XPO6: variants seen among roughly 807,000 people sequenced by gnomAD.
The protein encoded by XPO6 is exportin 6, also known as exportin-6.
XPO6 carries 3 observed loss-of-function variants against 130.0 expected under a neutral mutation model. The observed-to-expected ratio is 0.02, with a 90% CI of 0.01 to 0.06. The LOEUF is 0.06. Ranked by LOEUF, XPO6 falls within the 10% of genes least tolerant of loss-of-function variation. The probability of loss-of-function intolerance (pLI) is 1.00; values close to 1 mark genes in which losing one functional copy is unlikely to be tolerated. For synonymous variants in XPO6, 524 were observed against 548.9 expected (o/e 0.95, Z 0.63); for missense variants, 970 against 1,393.0 (o/e 0.70, Z 4.83).
At chr16:28,159,646 G>A (rs1266507669) in intron 6 of XPO6, among the ~76,000 whole-genome samples, 1 of 152,202 alleles carries the variant, frequency 6.6e-6, no homozygotes, top group Non-Finnish European at 1.5e-5. Flanking sequence ...CTAAACAGAC[G>A]TAGGAATTAA....
intron 9 of XPO6, among the ~76,000 whole-genome samples, chr16:28,136,243 C>CAA (rs1257702020): frequency 1.3e-5 from 2 of 151,824 alleles, no homozygotes; most frequent in African/African-American, 4.9e-5. Context: ...TTTTTGGAGA[C>CAA]AGAGTCTCCT....
chr16:28,110,771 G>C (rs759582481), intron 17 of XPO6, among the ~76,000 whole-genome samples: 4 of 152,208 alleles, frequency 2.6e-5, no homozygotes, highest in Non-Finnish European at 4.4e-5. Flanking sequence ...AGAACTGAAT[G>C]AATTACTGAT....
intron 1 of XPO6, among the ~76,000 whole-genome samples, chr16:28,182,826 T>C (rs1046033049): frequency 2.6e-5 from 4 of 151,972 alleles, no homozygotes; most frequent in African/African-American, 4.8e-5. Flanking sequence ...CTAAAATGAG[T>C]GTACATAATA....
intron 5 of XPO6, among the ~76,000 whole-genome samples, chr16:28,168,897 G>C (rs2043404838): frequency 6.6e-6 from 1 of 151,906 alleles, no homozygotes; most frequent in African/African-American, 2.4e-5. Context: ...TTACAGGTGT[G>C]AGCCATTGCA....
intron 15 of XPO6, among the ~76,000 whole-genome samples, chr16:28,116,292 T>A (rs2141255737): frequency 6.6e-6 from 1 of 152,148 alleles, no homozygotes; most frequent in South Asian, 2.1e-4. Flanking sequence ...AAACCCCGTC[T>A]CTACAAAAAA....
chr16:28,130,131 C>T lies in XPO6; in HGVS notation c.1606+2203G>A, dbSNP rs1013510503. On this transcript the variant is annotated intron_variant, in intron 12 of 23. Transcript: ENST00000304658. ...GCAGGAAGGGAAACAGTGAGAAGCA[C>T]GAGATCTTCTGAATCCAACTGCTCT... Among the ~76,000 whole-genome samples the T allele has an allele frequency of 5.9e-5, 9 of 152,216 alleles. 1 individual carries two copies. The highest frequency in any genetic ancestry group is 2.2e-4 in the African/African-American group (9 of 41,466).
intron 8 of XPO6, 67 bp downstream of exon 8, chr16:28,152,591 CT>C: frequency 6.5e-7 from 1 of 1,541,100 alleles, no homozygotes; most frequent in Admixed American, 2.2e-5. Context: ...AGAAAAAGTT[CT>C]TTCTTCTCAA....
At chr16:28,162,467 C>G (rs990251927) in intron 6 of XPO6, among the ~76,000 whole-genome samples, 9 of 152,012 alleles carry the variant, frequency 5.9e-5, no homozygotes, top group Non-Finnish European at 1.3e-4. Context: ...GTGACCCTGG[C>G]AGCGATACGC....
At chr16:28,181,745 G>A (rs2043620529) in intron 1 of XPO6, among the ~76,000 whole-genome samples, 1 of 152,094 alleles carries the variant, frequency 6.6e-6, no homozygotes, top group African/African-American at 2.4e-5. Flanking sequence ...AATCTCACGT[G>A]AGCAGCCAAC....
rs561688834 is a variant in XPO6 at position 28,207,505 on chromosome 16, G to A, written c.3+3861C>T. ...AATCAAATACAGTTATAGTATGCTA[G>A]CTCTTCCTGTAATTCTATACTGCAA... is the stretch of plus-strand genomic sequence containing the variant. On this transcript the variant is annotated intron_variant, in intron 1 of 23. Coordinates refer to ENST00000304658, the MANE Select transcript of XPO6 (RefSeq NM_015171.4). Among the ~76,000 whole-genome samples, 51 of 152,318 alleles carry A rather than the reference G, an allele frequency of 3.3e-4. 2 individuals are homozygous for A. In the South Asian group the frequency reaches 0.011, roughly 32 times the overall value.
chr16:28,103,971 G>A (rs564334174), intron 21 of XPO6, among the ~76,000 whole-genome samples: 54 of 152,314 alleles, frequency 3.5e-4, no homozygotes, highest in African/African-American at 1.0e-3. Context: ...CCCTGGGAGC[G>A]TGCCTGACAC....
intron 18 of XPO6, among the ~76,000 whole-genome samples, chr16:28,107,027 T>C (rs2086799364): frequency 6.6e-6 from 1 of 152,242 alleles, no homozygotes; most frequent in South Asian, 2.1e-4. Flanking sequence ...AACAATCATC[T>C]TGTGTAGTGT....
At chr16:28,182,957 CAT>C (rs1250142847) in intron 1 of XPO6, among the ~76,000 whole-genome samples, 8 of 152,140 alleles carry the variant, frequency 5.3e-5, no homozygotes, top group African/African-American at 1.4e-4. Context: ...AAAAATAGCA[CAT>C]GTTAAAATAA....
chr16:28,121,247 C>T (rs1291717524), intron 14 of XPO6, among the ~76,000 whole-genome samples: 1 of 152,206 alleles, frequency 6.6e-6, no homozygotes, highest in Non-Finnish European at 1.5e-5. Context: ...AAATGTGTTC[C>T]CCAAGCATTC....
rs375825362 is a variant in XPO6 at position 28,173,261 on chromosome 16, T to G, written c.405+2637A>C. The G allele has an allele frequency of 2.6e-5, 4 of 152,212 alleles. No individual in the cohort carries two copies. The East Asian group carries it at 5.8e-4, about 22-fold the overall frequency. The allele number at this position is 152,212 out of a possible 1,614,324, so 9.4% of individuals were successfully genotyped here. A position where few individuals can be genotyped will look rare whatever the true frequency, so the allele number is the denominator to read the frequency against. On this transcript the variant is annotated intron_variant, in intron 4 of 23. Transcript: ENST00000304658. Reference sequence around the variant, plus strand: ...CTATATTATCAGAAATGTCAGCAATTGGGCACTGATCATTGAGTACTGATC... The same window carrying G: ...CTATATTATCAGAAATGTCAGCAATGGGGCACTGATCATTGAGTACTGATC...
At chr16:28,138,182 G>A (rs930696890) in intron 9 of XPO6, among the ~76,000 whole-genome samples, 1 of 152,060 alleles carries the variant, frequency 6.6e-6, no homozygotes. Context: ...TCCATAGAAA[G>A]GTAAGATCAA....
chr16:28,181,492 G>C (rs906315560), intron 1 of XPO6, among the ~76,000 whole-genome samples: 1 of 148,278 alleles, frequency 6.7e-6, no homozygotes, highest in Admixed American at 6.9e-5. Context: ...GATTCTCAGG[G>C]GTTTGGGGGG....
intron 1 of XPO6, among the ~76,000 whole-genome samples, chr16:28,189,745 A>G (rs79541662): frequency 0.017 from 2,526 of 152,296 alleles, 74 homozygotes; most frequent in African/African-American, 0.058. Flanking sequence ...TCTGCAGCTT[A>G]GATCTAGACA....
chr16:28,169,859 T>G lies in XPO6; in HGVS notation c.456A>C (p.Thr152=). ...TTPLGLIMLK[T]TSEELACPRE... Reference sequence around the variant, plus strand: ...GGGGACAAGCCAGCTCTTCTGAAGTTGTCTTCAACATGATCAGCCCAAGGG... The same window carrying G: ...GGGGACAAGCCAGCTCTTCTGAAGTGGTCTTCAACATGATCAGCCCAAGGG... Residue 152 remains threonine (T), a synonymous_variant, in exon 5 of 24, where the codon ACA becomes ACC. Coordinates refer to ENST00000304658, the MANE Select transcript of XPO6 (RefSeq NM_015171.4). 6.2e-7 allele frequency: 1 copy of G among 1,614,180 alleles called. No homozygotes were observed. Among genetic ancestry groups the G allele is most frequent in the Non-Finnish European group, 8.5e-7 (1 of 1,180,006 alleles).
Sources: allele counts gnomAD v4.1 joint callset (sites outside exome capture counted in the v4.1 genomes callset), GRCh38; gene constraint gnomAD v4.1.1; transcripts MANE v1.5; gene names NCBI Gene and HGNC (gene_info 2026-07-23, HGNC 2026-07-21).